EYA1: variants seen among roughly 807,000 people sequenced by gnomAD.
EYA1 encodes EYA transcriptional coactivator and phosphatase 1, also known as protein phosphatase EYA1.
In EYA1, 16 loss-of-function variants were observed where a neutral mutation model predicts 82.0. That is an observed-to-expected ratio of 0.20 (90% CI 0.13 to 0.30). The LOEUF (loss-of-function observed/expected upper bound fraction) is 0.30, where lower values mean the gene tolerates loss of function less well. Among genes scored for constraint, EYA1 ranks in the 10% least tolerant of loss-of-function variants. The probability of loss-of-function intolerance (pLI) is 1.00; values close to 1 mark genes in which losing one functional copy is unlikely to be tolerated. For missense variants in EYA1, 633 were observed against 730.7 expected (o/e 0.87, Z 1.54); for synonymous variants, 261 against 264.4 (o/e 0.99, Z 0.12).
chr8:71,215,416 A>G lies in EYA1; in HGVS notation c.1568T>C (p.Ile523Thr), dbSNP rs749926851. ...TTTAGTTGCACTGTAAATATTTTCT[A>G]TTGGAAATACAATTCCTAACCCATA... is the stretch of plus-strand genomic sequence containing the variant. ...LLYGLGIVFP[I>T]ENIYSATKIG... The change falls in exon 16 of 18, where the codon ATA becomes ACA. Residue 523 changes from isoleucine to threonine, a missense_variant. By Grantham distance (89) the Ile-to-Thr change is moderately conservative. Transcript: ENST00000340726. 3 of 1,613,182 alleles carry G rather than the reference A, an allele frequency of 1.9e-6. No homozygotes were observed. The highest frequency in any genetic ancestry group is 1.3e-5 in the African/African-American group (1 of 75,056).
intron 11 of EYA1, among the ~76,000 whole-genome samples, chr8:71,267,761 G>C (rs906266517): frequency 9.9e-5 from 15 of 152,196 alleles, no homozygotes; most frequent in Non-Finnish European, 1.9e-4. Flanking sequence ...TGTTAGCCAG[G>C]ATGGTCTCGA....
At chr8:71,417,208 A>G (rs1273143591) in intron 2 of EYA1, among the ~76,000 whole-genome samples, 2 of 152,096 alleles carry the variant, frequency 1.3e-5, no homozygotes, top group African/African-American at 4.8e-5. Flanking sequence ...GTGAGTCAGT[A>G]CTCCTTAATA....
At chr8:71,471,941 G>A (rs60471044) in intron 2 of EYA1, among the ~76,000 whole-genome samples, 8,748 of 152,036 alleles carry the variant, frequency 0.058, 830 homozygotes, top group African/African-American at 0.2. Context: ...CTGTTTGTAT[G>A]CTTCTTGTAA....
At chr8:71,363,097 G>A (rs2129081269), upstream of EYA1, among the ~76,000 whole-genome samples, 1 of 151,896 alleles carries the variant, frequency 6.6e-6, no homozygotes, top group South Asian at 2.1e-4. Context: ...AAACTGTTTT[G>A]TCATCACCCA....
At position 71,518,952 on chromosome 8, in the gene EYA1, T is replaced by G. The variant is rs538409614; in HGVS notation, c.33+16792A>C. On this transcript the variant is annotated intron_variant, in intron 2 of 18. Coordinates refer to the EYA1 transcript ENST00000643681. ...TGAACCCTTTTTTCCTAAATAATACTATAGTAGTACATAGTTGCACTACAA... is the reference window on the plus strand; with the variant it reads ...TGAACCCTTTTTTCCTAAATAATACGATAGTAGTACATAGTTGCACTACAA... Among the ~76,000 whole-genome samples, 14 of 152,336 alleles carry G rather than the reference T, an allele frequency of 9.2e-5. No individual in the cohort carries two copies. The East Asian group carries it at 2.7e-3, about 29-fold the overall frequency.
At chr8:71,482,989 G>A (rs1361474011) in intron 2 of EYA1, among the ~76,000 whole-genome samples, 1 of 152,142 alleles carries the variant, frequency 6.6e-6, no homozygotes, top group Non-Finnish European at 1.5e-5. Context: ...CTCCTACCAT[G>A]ACTGCACCTC....
At position 71,252,439 on chromosome 8, in the gene EYA1, C is replaced by T. The variant is rs976900239; in HGVS notation, c.1051-7747G>A. The stretch of plus-strand genomic sequence containing the variant: ...GAGTCATACATTCAAACTAGACTTT[C>T]GCTGTACTTACTACTCAAGGCACTT... On this transcript the variant is annotated intron_variant, in intron 11 of 17. Coordinates refer to ENST00000340726, the MANE Select transcript of EYA1 (RefSeq NM_000503.6). Among the ~76,000 whole-genome samples the T allele has an allele frequency of 9.9e-5, 15 of 152,170 alleles. No individual in the cohort carries two copies. In the South Asian group the frequency reaches 1.2e-3, roughly 13 times the overall value.
chr8:71,317,847 C>G (rs1272357346), intron 6 of EYA1, among the ~76,000 whole-genome samples, 158 bp from the exon 7 acceptor site: 2 of 152,172 alleles, frequency 1.3e-5, no homozygotes, highest in Non-Finnish European at 2.9e-5. Context: ...CCATAAAGTA[C>G]AACTTCAGTT....
chr8:71,533,506 C>G (rs1359767781), intron 2 of EYA1, among the ~76,000 whole-genome samples: 1 of 152,160 alleles, frequency 6.6e-6, no homozygotes, highest in Non-Finnish European at 1.5e-5. Flanking sequence ...GGATACTGGT[C>G]CAGGACTCTT....
intron 2 of EYA1, among the ~76,000 whole-genome samples, chr8:71,520,854 A>G (rs1482269949): frequency 6.6e-6 from 1 of 152,234 alleles, no homozygotes. Flanking sequence ...ATTCTCAAAA[A>G]TTAAAAAAAG....
At chr8:71,375,667 C>T (rs1867606) in intron 2 of EYA1, among the ~76,000 whole-genome samples, 90,511 of 151,916 alleles carry the variant, frequency 0.6, 27,710 homozygotes, top group African/African-American at 0.72. Flanking sequence ...TTGTTCTTGT[C>T]GTCCAGGCTG....
intron 16 of EYA1, among the ~76,000 whole-genome samples, chr8:71,214,147 A>C (rs1808884388): frequency 6.6e-6 from 1 of 152,184 alleles, no homozygotes; most frequent in Admixed American, 6.5e-5. Context: ...TATGGAGTCG[A>C]GCAGCCAAAG....
intron 3 of EYA1, among the ~76,000 whole-genome samples, chr8:71,342,913 T>C (rs117670266): frequency 0.024 from 3,634 of 152,308 alleles, 75 homozygotes; most frequent in Non-Finnish European, 0.033. Flanking sequence ...GTCATAGTCA[T>C]CACAAAATAG....
chr8:71,388,497 C>T (rs1563560353), intron 2 of EYA1, among the ~76,000 whole-genome samples: 2 of 152,138 alleles, frequency 1.3e-5, no homozygotes, highest in Non-Finnish European at 2.9e-5. Context: ...ATCATGATGG[C>T]TAATGTGTAA....
At chr8:71,289,748 T>C (rs148699964) in intron 9 of EYA1, among the ~76,000 whole-genome samples, 23 of 152,356 alleles carry the variant, frequency 1.5e-4, no homozygotes, top group African/African-American at 4.8e-4. Flanking sequence ...TGAACAGTGC[T>C]TAGAACAATA....
intron 1 of EYA1, among the ~76,000 whole-genome samples, chr8:71,360,684 AG>A (rs1203778280): frequency 6.6e-6 from 1 of 152,252 alleles, no homozygotes; most frequent in African/African-American, 2.4e-5. Context: ...GTGGGGGAAA[AG>A]ACTCATGCAA....
At chr8:71,226,036 G>C (rs1459335516) in intron 12 of EYA1, among the ~76,000 whole-genome samples, 1 of 152,102 alleles carries the variant, frequency 6.6e-6, no homozygotes, top group Non-Finnish European at 1.5e-5. Flanking sequence ...AGAGAACAAA[G>C]TCTTTACTGA....
At chr8:71,222,580 A>G (rs1035334859) in intron 12 of EYA1, among the ~76,000 whole-genome samples, 7 of 152,210 alleles carry the variant, frequency 4.6e-5, no homozygotes, top group African/African-American at 1.4e-4. Flanking sequence ...TGCAGAAGGC[A>G]TTCCTTACAC....
At chr8:71,547,282 T>C (rs1464603066) in intron 1 of EYA1, among the ~76,000 whole-genome samples, 1 of 152,176 alleles carries the variant, frequency 6.6e-6, no homozygotes, top group East Asian at 1.9e-4. Flanking sequence ...CGCACATGTC[T>C]AAGATGGCAA....
Sources: allele counts gnomAD v4.1 joint callset (sites outside exome capture counted in the v4.1 genomes callset), GRCh38; gene constraint gnomAD v4.1.1; transcripts MANE v1.5; gene names NCBI Gene and HGNC (gene_info 2026-07-23, HGNC 2026-07-21).